Variants in CAPN8 observed in about 807,000 individuals in gnomAD.
CAPN8 encodes calpain-8.
CAPN8 carries 87 observed loss-of-function variants against 80.9 expected under a neutral mutation model. The ratio of observed to expected loss-of-function variants is 1.07; its 90% CI spans 0.90 to 1.28. CAPN8 has a LOEUF of 1.28. Ranked by LOEUF, CAPN8 falls within the 50% of genes most tolerant of loss-of-function variation. The pLI is 0.00. For synonymous variants in CAPN8, 299 were observed against 273.8 expected (o/e 1.09, Z -0.91); for missense variants, 757 against 702.0 (o/e 1.08, Z -0.89).
At chr1:223,663,789 T>C (rs1022880587) in intron 1 of CAPN8, among the ~76,000 whole-genome samples, 27 of 152,174 alleles carry the variant, frequency 1.8e-4, no homozygotes, top group African/African-American at 6.5e-4. Flanking sequence ...TTCTCAGAGA[T>C]GAAAACTGTT....
At chr1:223,542,487 T>C (rs1039947860) in intron 20 of CAPN8, among the ~76,000 whole-genome samples, 11 of 152,022 alleles carry the variant, frequency 7.2e-5, no homozygotes, top group Admixed American at 7.2e-4. Flanking sequence ...GCACAGACAA[T>C]GGGGCACAGC....
chr1:223,637,112 T>C (rs1298230105), intron 2 of CAPN8, among the ~76,000 whole-genome samples: 3 of 152,236 alleles, frequency 2.0e-5, no homozygotes, highest in East Asian at 1.9e-4. Context: ...CAGGTCTACC[T>C]GGATTTGAGA....
intron 2 of CAPN8, among the ~76,000 whole-genome samples, chr1:223,646,644 T>A (rs559561055): frequency 6.6e-6 from 1 of 152,152 alleles, no homozygotes; most frequent in Admixed American, 6.5e-5. Context: ...TTAAGAACCA[T>A]CCACATGTGC....
intron 13 of CAPN8, among the ~76,000 whole-genome samples, chr1:223,557,560 G>A (rs1656933286): frequency 6.6e-6 from 1 of 152,184 alleles, no homozygotes; most frequent in South Asian, 2.1e-4. Flanking sequence ...TGAGGACACA[G>A]TGAGGAATAA....
At position 223,541,649 on chromosome 1, in the gene CAPN8, T is replaced by C. The variant is rs1376095004; in HGVS notation, c.*187A>G. ...CACAACTTTAATTGATTGCTTTCCC[T>C]CCACTGGGCCCACCGGGTCGGCTTA... On this transcript the variant is annotated 3_prime_UTR_variant, in exon 21 of 21. Coordinates refer to ENST00000366872, the MANE Select transcript of CAPN8 (RefSeq NM_001143962.2). 2 of 766,022 alleles carry C rather than the reference T, an allele frequency of 2.6e-6. No individual in the cohort carries two copies. The highest frequency in any genetic ancestry group is 3.7e-4 in the Middle Eastern group (1 of 2,674). 47.5% of individuals were successfully genotyped at this position (766,022 alleles called of 1,614,324 possible). A position where few individuals can be genotyped will look rare whatever the true frequency, so the allele number is the denominator to read the frequency against.
intron 2 of CAPN8, among the ~76,000 whole-genome samples, chr1:223,636,932 C>T (rs534694213): frequency 6.6e-6 from 1 of 152,312 alleles, no homozygotes; most frequent in African/African-American, 2.4e-5. Context: ...TTCTGTTTCC[C>T]CCCTTTTTCT....
rs1440673045 is a variant in CAPN8 at position 223,627,052 on chromosome 1, G to A, written c.666C>T (p.Ala222=). The A allele has an allele frequency of 1.9e-6, 3 of 1,551,856 alleles. No individual in the cohort carries two copies. The highest frequency in any genetic ancestry group is 2.6e-6 in the Non-Finnish European group (3 of 1,147,022). The change falls in exon 5 of 21, where the codon GCC becomes GCT. Residue 222 remains alanine (A), a synonymous_variant. Coordinates refer to ENST00000366872, the MANE Select transcript of CAPN8 (RefSeq NM_001143962.2). ...CCTTCCGGATGATCTGATATAGATTGGCTGGTGGTTTCTTCAGGTCATAAA... is the reference window on the plus strand; with the variant it reads ...CCTTCCGGATGATCTGATATAGATTAGCTGGTGGTTTCTTCAGGTCATAAA... ...SEFYDLKKPP[A]NLYQIIRKAL...
chr1:223,551,432 T>G (rs1391217756), intron 14 of CAPN8, among the ~76,000 whole-genome samples: 2 of 152,072 alleles, frequency 1.3e-5, no homozygotes, highest in Admixed American at 1.3e-4. Flanking sequence ...TGAGCCACCG[T>G]GCCCGGCTGG....
intron 7 of CAPN8, 185 bp downstream of exon 7, chr1:223,622,630 A>G: frequency 1.7e-6 from 1 of 598,676 alleles, no homozygotes; most frequent in African/African-American, 1.8e-5. Flanking sequence ...ACTACAGCCC[A>G]GTGGTTTTTA....
chr1:223,543,108 C>G lies in CAPN8; in HGVS notation c.2088G>C (p.Glu696Asp). 2 of 1,551,658 alleles carry G rather than the reference C, an allele frequency of 1.3e-6. No homozygotes were observed. Among genetic ancestry groups the G allele is most frequent in the Non-Finnish European group, 1.7e-6 (2 of 1,146,964 alleles). The change falls in exon 20 of 21, where the codon GAG (glutamate) becomes GAC (aspartate). Residue 696 changes from glutamate to aspartate, a missense_variant and splice_region_variant. By Grantham distance (45) the Glu-to-Asp change is conservative. Coordinates refer to ENST00000366872, the MANE Select transcript of CAPN8 (RefSeq NM_001143962.2). The stretch of plus-strand genomic sequence containing the variant: ...ATTCATCAAACCTCAGGACATTCAC[C>G]TCGGCCAGAGAGAGCTGAACCATGC... ...KDGMVQLSLA[E>D]WLCCVLV
intron 9 of CAPN8, chr1:223,617,910 C>T (rs1284573208): frequency 4.4e-6 from 1 of 229,822 alleles, no homozygotes; most frequent in Non-Finnish European, 8.5e-6. Context: ...TCCTTCCTCT[C>T]TGTTCAGCAC....
At chr1:223,630,359 C>T (rs768957590) in intron 2 of CAPN8, among the ~76,000 whole-genome samples, 30 of 152,088 alleles carry the variant, frequency 2.0e-4, no homozygotes, top group Admixed American at 2.0e-4. Context: ...TTTTAAGAGA[C>T]AGGGTCTTGC....
chr1:223,644,223 C>CTA (rs1207450262), intron 2 of CAPN8: 1 of 368,948 alleles, frequency 2.7e-6, no homozygotes, highest in Non-Finnish European at 5.3e-6. Context: ...ATACAAGGTT[C>CTA]ATATACTCAT....
chr1:223,661,285 C>A (rs185808553), intron 1 of CAPN8, among the ~76,000 whole-genome samples: 1 of 152,078 alleles, frequency 6.6e-6, no homozygotes, highest in East Asian at 1.9e-4. Flanking sequence ...AAATGCAAAT[C>A]AAAACCACAA....
chr1:223,543,229 A>G, intron 19 of CAPN8, 63 bp from the exon 20 acceptor site: 1 of 1,532,884 alleles, frequency 6.5e-7, no homozygotes, highest in Admixed American at 2.0e-5. Context: ...GAACAATCAG[A>G]GAGCTGCCTC....
At chr1:223,553,323 G>A (rs978577970) in intron 14 of CAPN8, among the ~76,000 whole-genome samples, 1,953 of 152,258 alleles carry the variant, frequency 0.013, 44 homozygotes, top group African/African-American at 0.043. Flanking sequence ...CATTCATGTC[G>A]GGCAAAGCTT....
At chr1:223,620,856 C>A (rs1657366606) in intron 7 of CAPN8, among the ~76,000 whole-genome samples, 1 of 152,092 alleles carries the variant, frequency 6.6e-6, no homozygotes, top group Admixed American at 6.5e-5. Flanking sequence ...AGGGCAATAT[C>A]TATGCACTTT....
chr1:223,612,625 T>C (rs61825167), intron 10 of CAPN8, among the ~76,000 whole-genome samples: 149,582 of 152,224 alleles, frequency 0.98, 73,652 homozygotes, highest in Non-Finnish European at 1. Flanking sequence ...AGATCAAGAG[T>C]TTGACCAGAG....
intron 20 of CAPN8, among the ~76,000 whole-genome samples, chr1:223,542,310 T>C (rs571439636): frequency 6.7e-6 from 1 of 148,374 alleles, no homozygotes; most frequent in South Asian, 2.5e-4. Context: ...TGTGTGTGTA[T>C]ATATGTATAT....
Sources: gnomAD v4.1 joint callset for allele counts (sites outside exome capture counted in the v4.1 genomes callset) on GRCh38, gnomAD v4.1.1 for gene constraint, MANE v1.5 for transcripts, NCBI Gene and HGNC (gene_info 2026-07-23, HGNC 2026-07-21) for gene names.